The following LY96 variants were observed in gnomAD, a reference collection of about 807,000 sequenced individuals.
LY96 encodes myeloid differentiation protein-2.
A neutral mutation model predicts 18.9 loss-of-function variants in LY96; 18 were observed. The observed-to-expected ratio is 0.95, with a 90% CI of 0.66 to 1.41. LY96 has a LOEUF of 1.41. Ranked by LOEUF, LY96 falls within the 40% of genes most tolerant of loss-of-function variation. The pLI is 0.00. For missense variants in LY96, 175 were observed against 182.4 expected, an observed-to-expected ratio of 0.96 and a Z score of 0.23; for synonymous variants, 66 against 62.6, an observed-to-expected ratio of 1.06 and a Z score of -0.26.
chr8:74,080,967 T>G, the LY96 span, among the ~76,000 whole-genome samples: 4 of 146,538 alleles, frequency 2.7e-5, no homozygotes, highest in East Asian at 3.9e-4. Context: ...TCTTGTGCCT[T>G]CTTTCTTTCT....
the LY96 span, among the ~76,000 whole-genome samples, chr8:74,053,093 T>C: frequency 6.6e-6 from 1 of 152,156 alleles, no homozygotes; most frequent in Non-Finnish European, 1.5e-5. Flanking sequence ...TGGAACTCCA[T>C]CTGTAGTCCC....
At chr8:74,013,336 T>C in intron 3 of LY96, among the ~76,000 whole-genome samples, 1 of 152,176 alleles carries the variant, frequency 6.6e-6, no homozygotes, top group Non-Finnish European at 1.5e-5. Flanking sequence ...TTAGCCAGGC[T>C]GGTCTCAAAC....
At chr8:74,065,877 C>T in the LY96 span, among the ~76,000 whole-genome samples, 7 of 152,166 alleles carry the variant, frequency 4.6e-5, no homozygotes, top group African/African-American at 1.7e-4. Context: ...GAGTTGAATG[C>T]AAGCCCCTGA....
chr8:74,018,816 A>C (rs868153628), intron 3 of LY96, among the ~76,000 whole-genome samples: 1 of 152,226 alleles, frequency 6.6e-6, no homozygotes, highest in South Asian at 2.1e-4. Context: ...CCTGCTCCTA[A>C]GTGACTACTG....
chr8:74,099,133 G>A, the LY96 span, among the ~76,000 whole-genome samples: 6 of 152,002 alleles, frequency 3.9e-5, no homozygotes, highest in Non-Finnish European at 7.4e-5. Context: ...ACAAATTTAC[G>A]TGTTGAAGCC....
the LY96 span, among the ~76,000 whole-genome samples, chr8:74,088,087 AT>A: frequency 7.0e-5 from 6 of 85,956 alleles, no homozygotes; most frequent in Non-Finnish European, 1.2e-4. Flanking sequence ...TGAGAGAAGA[AT>A]AGAATAGAAT....
chr8:74,051,506 T>A, the LY96 span, among the ~76,000 whole-genome samples: 1 of 152,234 alleles, frequency 6.6e-6, no homozygotes, highest in Non-Finnish European at 1.5e-5. Flanking sequence ...CTCATGATGC[T>A]GAAATTTTTA....
chr8:74,034,389 C>A, the LY96 span, among the ~76,000 whole-genome samples: 2 of 151,680 alleles, frequency 1.3e-5, no homozygotes, highest in African/African-American at 2.4e-5. Flanking sequence ...AAAAAAAATT[C>A]TTTAATAGAA....
the LY96 span, among the ~76,000 whole-genome samples, chr8:74,090,045 A>G: frequency 3.3e-5 from 5 of 152,132 alleles, no homozygotes; most frequent in Admixed American, 1.3e-4. Context: ...GATGAGATGG[A>G]AGCTTTGGAG....
At chr8:74,053,888 A>G in the LY96 span, among the ~76,000 whole-genome samples, 2 of 152,292 alleles carry the variant, frequency 1.3e-5, no homozygotes, top group Non-Finnish European at 2.9e-5. Context: ...TTTGACTTGC[A>G]TGGACTTTCC....
chr8:74,054,623 T>G, the LY96 span, among the ~76,000 whole-genome samples: 2 of 100,808 alleles, frequency 2.0e-5, no homozygotes, highest in Admixed American at 2.2e-4. Flanking sequence ...TTTCCTTCTT[T>G]CTTTCTTTCT....
chr8:74,018,243 A>T (rs551217541), intron 3 of LY96, among the ~76,000 whole-genome samples: 8 of 152,218 alleles, frequency 5.3e-5, no homozygotes, highest in East Asian at 1.9e-4. Context: ...AAAAATAAAA[A>T]AAATAAATAA....
chr8:74,010,151 C>G (rs1423309795), intron 3 of LY96, 22 bp downstream of exon 3: 1 of 1,595,200 alleles, frequency 6.3e-7, no homozygotes, highest in East Asian at 2.2e-5. Context: ...GTTCATATTA[C>G]TTTTAGAATA....
At chr8:73,993,317 T>G (rs530338821) in intron 1 of LY96, among the ~76,000 whole-genome samples, 1 of 151,986 alleles carries the variant, frequency 6.6e-6, no homozygotes, top group South Asian at 2.1e-4. Flanking sequence ...TGCTCTGTTG[T>G]GCAGGCTGGA....
intron 1 of LY96, among the ~76,000 whole-genome samples, chr8:73,995,060 A>T (rs62509311): frequency 0.19 from 29,352 of 152,138 alleles, 3,535 homozygotes; most frequent in Non-Finnish European, 0.27. Flanking sequence ...CTCTTCTCTC[A>T]TGAATAAATT....
chr8:74,047,179 C>T, the LY96 span, among the ~76,000 whole-genome samples: 2 of 152,166 alleles, frequency 1.3e-5, no homozygotes, highest in Admixed American at 6.5e-5. Flanking sequence ...TGAGCCACAG[C>T]GCCCGGCCCT....
At chr8:74,098,922 G>C in the LY96 span, among the ~76,000 whole-genome samples, 1 of 152,250 alleles carries the variant, frequency 6.6e-6, no homozygotes, top group South Asian at 2.1e-4. Flanking sequence ...CTAGAAAATA[G>C]TCCTTACTTT....
the LY96 span, among the ~76,000 whole-genome samples, chr8:74,071,103 T>C: frequency 3.3e-5 from 5 of 152,282 alleles, no homozygotes; most frequent in East Asian, 3.9e-4. Flanking sequence ...CTAGCAAGCA[T>C]AGGGCAGGTG....
At chr8:74,081,077 T>C in the LY96 span, among the ~76,000 whole-genome samples, 2 of 104,030 alleles carry the variant, frequency 1.9e-5, no homozygotes, top group Non-Finnish European at 3.7e-5. Flanking sequence ...ACTTTCTTTC[T>C]TCTCTTTCTC....
Sources: gnomAD v4.1 joint callset for allele counts (sites outside exome capture counted in the v4.1 genomes callset) on GRCh38, gnomAD v4.1.1 for gene constraint, MANE v1.5 for transcripts, NCBI Gene and HGNC (gene_info 2026-07-23, HGNC 2026-07-21) for gene names.